VPS13B: variants seen among roughly 807,000 people sequenced by gnomAD.
VPS13B encodes the protein vacuolar protein sorting 13 homolog B.
Under a neutral mutation model 426.4 loss-of-function variants are expected in VPS13B, and 285 were observed. That is an observed-to-expected ratio of 0.67 (90% confidence interval 0.61 to 0.74). The LOEUF is 0.74. VPS13B is among the 30% of genes least tolerant of loss of function. VPS13B has a pLI of 0.00. For synonymous variants in VPS13B, 1,676 were observed against 1,676.4 expected (o/e 1.00, Z 0.01); for missense variants, 4,537 against 4,782.6 (o/e 0.95, Z 1.51).
intron 29 of VPS13B, 80 bp downstream of exon 29, chr8:99,511,592 T>A: frequency 7.0e-7 from 1 of 1,432,424 alleles, no homozygotes; most frequent in Non-Finnish European, 9.5e-7. Context: ...TTTTTGTTTC[T>A]TTTAAAAAAT....
intron 34 of VPS13B, among the ~76,000 whole-genome samples, chr8:99,657,147 C>A (rs1054612556): frequency 6.6e-6 from 1 of 152,056 alleles, no homozygotes; most frequent in Non-Finnish European, 1.5e-5. Flanking sequence ...AAGTCATCTC[C>A]CCCTGTAATT....
chr8:99,099,974 G>A (rs1035092440), intron 4 of VPS13B, among the ~76,000 whole-genome samples: 2 of 152,164 alleles, frequency 1.3e-5, no homozygotes, highest in African/African-American at 4.8e-5. Context: ...TCAGATGCGT[G>A]TGGAGTAGAC....
intron 31 of VPS13B, among the ~76,000 whole-genome samples, chr8:99,569,316 C>T (rs1563801565): frequency 6.6e-6 from 1 of 151,882 alleles, no homozygotes; most frequent in Non-Finnish European, 1.5e-5. Context: ...ATAGCCCTAA[C>T]TACTTAGGAG....
intron 39 of VPS13B, among the ~76,000 whole-genome samples, chr8:99,737,321 C>T (rs1337299008): frequency 5.3e-5 from 8 of 151,272 alleles, no homozygotes; most frequent in South Asian, 2.1e-4. Context: ...GGGGTTTCAC[C>T]GTGTTAGCCA....
intron 30 of VPS13B, among the ~76,000 whole-genome samples, chr8:99,541,123 G>C (rs1318960121): frequency 6.6e-6 from 1 of 151,830 alleles, no homozygotes; most frequent in South Asian, 2.1e-4. Context: ...CTGTATTTTA[G>C]TATTACTTAT....
chr8:99,507,245 T>G (rs1195860972), intron 28 of VPS13B, 42 bp downstream of exon 28: 1 of 1,582,774 alleles, frequency 6.3e-7, no homozygotes, highest in African/African-American at 1.3e-5. Context: ...AAATGTACTT[T>G]AAACTGTTTA....
intron 27 of VPS13B, among the ~76,000 whole-genome samples, chr8:99,505,489 G>C (rs1367114046): frequency 6.6e-6 from 1 of 152,086 alleles, no homozygotes; most frequent in Non-Finnish European, 1.5e-5. Flanking sequence ...GAAGACCTGA[G>C]GTGAGGGAGA....
intron 27 of VPS13B, among the ~76,000 whole-genome samples, chr8:99,503,584 T>C (rs1275555330): frequency 6.6e-6 from 1 of 152,188 alleles, no homozygotes; most frequent in Non-Finnish European, 1.5e-5. Context: ...AATCCTTTGT[T>C]GTCATTTCAA....
chr8:99,854,406 C>G (rs1816446583), intron 56 of VPS13B, 150 bp downstream of exon 56: 1 of 946,304 alleles, frequency 1.1e-6, no homozygotes, highest in South Asian at 1.4e-5. Flanking sequence ...GGATCTAAAT[C>G]TAGAGCCTGC....
intron 19 of VPS13B, among the ~76,000 whole-genome samples, chr8:99,308,582 T>A (rs557526416): frequency 4.6e-5 from 7 of 152,288 alleles, no homozygotes; most frequent in East Asian, 1.9e-4. Flanking sequence ...TCTATCATTG[T>A]TGGACATTTG....
Position 99,835,268 on chromosome 8 carries a change from G to A in VPS13B, c.9686G>A (p.Arg3229Gln), listed in dbSNP as rs769856598. The change falls in exon 53 of 62, where the codon CGA (arginine) becomes CAA (glutamine). Residue 3229 changes from arginine to glutamine, a missense_variant. By Grantham distance (43) the Arg-to-Gln change is conservative. Around this residue, in one of 2 missense-constraint regions of VPS13B, gnomAD observed 4,311 missense variants for 4,474.3 expected, o/e 0.96. Transcript: ENST00000357162. ...YLTLSEDPSP[R>Q]VIIHNRCPVK... ...ACCCTCTCAGAAGACCCTAGTCCTCGAGTAATTATCCACAATAGATGTCCA... is the reference window on the plus strand; with the variant it reads ...ACCCTCTCAGAAGACCCTAGTCCTCAAGTAATTATCCACAATAGATGTCCA... 1.2e-5 allele frequency: 20 copies of A among 1,613,550 alleles called. No individual in the cohort carries two copies. Among genetic ancestry groups the A allele is most frequent in the South Asian group, 3.3e-5 (3 of 91,062 alleles).
chr8:99,418,057 G>T (rs192884057), intron 21 of VPS13B, among the ~76,000 whole-genome samples: 4 of 152,182 alleles, frequency 2.6e-5, no homozygotes, highest in African/African-American at 9.6e-5. Context: ...CTGTCACAAA[G>T]AGTTTTTTGA....
chr8:99,875,728 G>C lies in VPS13B; in HGVS notation c.*62G>C. 6.3e-7 allele frequency: 1 copy of C among 1,598,472 alleles called. No individual in the cohort carries two copies. The highest frequency in any genetic ancestry group is 8.6e-7 in the Non-Finnish European group (1 of 1,167,402). Reference sequence around the variant, plus strand: ...TAGTTTTTGGGTTTCTTTGAGACAGGGTCTCACTGCATTGCCCTTGCTGAC... The same window carrying C: ...TAGTTTTTGGGTTTCTTTGAGACAGCGTCTCACTGCATTGCCCTTGCTGAC... On this transcript the variant is annotated 3_prime_UTR_variant, in exon 62 of 62. Transcript: ENST00000357162.
At chr8:99,600,981 G>C (rs1827268204) in intron 33 of VPS13B, among the ~76,000 whole-genome samples, 1 of 151,782 alleles carries the variant, frequency 6.6e-6, no homozygotes, top group African/African-American at 2.4e-5. Context: ...CTTTTTATTT[G>C]TTTTACTGGT....
intron 34 of VPS13B, among the ~76,000 whole-genome samples, chr8:99,657,642 A>G (rs1383734767): frequency 6.6e-6 from 1 of 152,176 alleles, no homozygotes; most frequent in African/African-American, 2.4e-5. Context: ...TATTCTATGC[A>G]GTATTTATGG....
chr8:99,428,974 T>A (rs928728733), intron 21 of VPS13B, among the ~76,000 whole-genome samples: 2 of 152,150 alleles, frequency 1.3e-5, no homozygotes, highest in African/African-American at 4.8e-5. Context: ...GTTCATGTCC[T>A]TTGTAGGGAC....
At chr8:99,423,370 C>T (rs527460991) in intron 21 of VPS13B, among the ~76,000 whole-genome samples, 38 of 152,030 alleles carry the variant, frequency 2.5e-4, no homozygotes, top group Admixed American at 4.6e-4. Context: ...AATTCTCCTG[C>T]CTCAGCTACC....
At chr8:99,467,110 C>T (rs1252235941) in intron 23 of VPS13B, among the ~76,000 whole-genome samples, 4 of 152,080 alleles carry the variant, frequency 2.6e-5, no homozygotes, top group Non-Finnish European at 4.4e-5. Flanking sequence ...GGTTTGCATA[C>T]GTCCCCAACA....
intron 24 of VPS13B, among the ~76,000 whole-genome samples, chr8:99,472,267 G>A (rs1416797593): frequency 1.3e-5 from 2 of 151,900 alleles, no homozygotes; most frequent in African/African-American, 4.8e-5. Flanking sequence ...TGATCTAATT[G>A]GCATTTATAG....
Sources: gnomAD v4.1 joint callset for allele counts (sites outside exome capture counted in the v4.1 genomes callset) on GRCh38, gnomAD v4.1.1 for gene constraint, gnomAD v4.1.1 regional missense constraint, MANE v1.5 for transcripts, NCBI Gene and HGNC (gene_info 2026-07-23, HGNC 2026-07-21) for gene names.